Variants in PACRG observed in about 807,000 individuals in gnomAD.
PACRG encodes parkin coregulated gene protein.
In PACRG, 29 loss-of-function variants were observed where a neutral mutation model predicts 29.7. The ratio of observed to expected loss-of-function variants is 0.98; its 90% confidence interval spans 0.73 to 1.33. The LOEUF (loss-of-function observed/expected upper bound fraction) is 1.33. Among genes scored for constraint, PACRG ranks in the 40% most tolerant of loss-of-function variants. PACRG has a pLI of 0.00. For missense variants in PACRG, 279 were observed against 316.2 expected (o/e 0.88, Z 0.89); for synonymous variants, 116 against 118.7 (o/e 0.98, Z 0.15).
At chr6:163,140,096 C>T (rs770240419) in intron 4 of PACRG, among the ~76,000 whole-genome samples, 8 of 152,168 alleles carry the variant, frequency 5.3e-5, no homozygotes, top group South Asian at 2.1e-4. Flanking sequence ...GATGCTGCCT[C>T]GCTCTTACCA....
intron 2 of PACRG, among the ~76,000 whole-genome samples, chr6:162,867,126 G>A (rs9458659): frequency 0.013 from 2,052 of 152,144 alleles, 42 homozygotes; most frequent in African/African-American, 0.046. Context: ...CTTTGCCAGC[G>A]GCTCAGTACC....
intron 4 of PACRG, among the ~76,000 whole-genome samples, chr6:163,236,075 TGTCAGGGCAGCAA>T (rs1407677525): frequency 6.6e-6 from 1 of 152,178 alleles, no homozygotes; most frequent in Non-Finnish European, 1.5e-5. Context: ...ATTCTGCCTA[TGTCAGGGCAGCAA>T]TGGCTACAAG....
At chr6:163,287,524 G>A (rs1784443489) in intron 4 of PACRG, among the ~76,000 whole-genome samples, 1 of 152,218 alleles carries the variant, frequency 6.6e-6, no homozygotes. Context: ...TCACACCTGA[G>A]CCAGCTCTGG....
chr6:163,168,239 G>A (rs1015100208), intron 4 of PACRG, among the ~76,000 whole-genome samples: 3 of 152,178 alleles, frequency 2.0e-5, no homozygotes, highest in African/African-American at 7.2e-5. Flanking sequence ...CACTTTGGGA[G>A]GCTGAGGCAG....
At chr6:162,980,134 G>A (rs1802283616) in intron 2 of PACRG, among the ~76,000 whole-genome samples, 1 of 151,638 alleles carries the variant, frequency 6.6e-6, no homozygotes, top group Non-Finnish European at 1.5e-5. Flanking sequence ...GGTTTTCCCA[G>A]TACTAGTTCT....
chr6:163,313,142 G>A (rs1026856831), intron 4 of PACRG, among the ~76,000 whole-genome samples: 1 of 151,108 alleles, frequency 6.6e-6, no homozygotes, highest in Admixed American at 6.6e-5. Flanking sequence ...TTGAATATTT[G>A]GGATGATCAA....
chr6:162,975,845 C>T (rs1048650417), intron 2 of PACRG, among the ~76,000 whole-genome samples: 9 of 151,980 alleles, frequency 5.9e-5, no homozygotes, highest in Non-Finnish European at 1.3e-4. Flanking sequence ...TCTCTCCCTC[C>T]CTCCCTTCCT....
intron 2 of PACRG, among the ~76,000 whole-genome samples, chr6:162,966,489 T>G (rs1042353054): frequency 6.6e-6 from 1 of 151,552 alleles, no homozygotes; most frequent in African/African-American, 2.4e-5. Flanking sequence ...TTTTTTTTTT[T>G]TTTTTGAGGC....
intron 2 of PACRG, among the ~76,000 whole-genome samples, chr6:163,048,288 T>C (rs1353370259): frequency 6.6e-6 from 1 of 152,222 alleles, no homozygotes; most frequent in East Asian, 1.9e-4. Context: ...AAGTTCACCA[T>C]GAAGTATGGG....
intron 1 of PACRG, among the ~76,000 whole-genome samples, chr6:162,798,662 C>A (rs563523844): frequency 6.6e-6 from 1 of 152,300 alleles, no homozygotes; most frequent in Admixed American, 6.5e-5. Context: ...TACCAAGGCA[C>A]TAAAGGAGGC....
At chr6:163,263,794 G>A (rs1287704064) in intron 4 of PACRG, among the ~76,000 whole-genome samples, 1 of 152,112 alleles carries the variant, frequency 6.6e-6, no homozygotes, top group Admixed American at 6.6e-5. Flanking sequence ...TAATTCAAAT[G>A]GATTTACATA....
intron 2 of PACRG, among the ~76,000 whole-genome samples, chr6:162,836,239 A>G (rs552431731): frequency 6.6e-6 from 1 of 152,104 alleles, no homozygotes; most frequent in Non-Finnish European, 1.5e-5. Context: ...CCCTCAATTT[A>G]TAAATCTTTA....
intron 2 of PACRG, among the ~76,000 whole-genome samples, chr6:162,950,824 C>T (rs991642309): frequency 6.6e-6 from 1 of 151,930 alleles, no homozygotes; most frequent in African/African-American, 2.4e-5. Context: ...GTAGAAAGGG[C>T]TAATAGTTAA....
At chr6:163,041,661 T>G (rs372869094) in intron 2 of PACRG, among the ~76,000 whole-genome samples, 101 of 152,312 alleles carry the variant, frequency 6.6e-4, no homozygotes, top group African/African-American at 2.2e-3. Context: ...AGTGTAAGAA[T>G]GGACTAATGC....
intron 2 of PACRG, among the ~76,000 whole-genome samples, chr6:163,015,023 T>C (rs1047341025): frequency 2.0e-5 from 3 of 152,220 alleles, no homozygotes; most frequent in Non-Finnish European, 4.4e-5. Flanking sequence ...TTAATTTTTT[T>C]GTATAGTGAA....
intron 4 of PACRG, among the ~76,000 whole-genome samples, chr6:163,282,712 CAAAA>C (rs558182240): frequency 2.2e-5 from 2 of 91,294 alleles, no homozygotes; most frequent in African/African-American, 3.9e-5. Flanking sequence ...AACTCCATCT[CAAAA>C]AAAAAAAAAA....
intron 1 of PACRG, among the ~76,000 whole-genome samples, chr6:162,784,082 T>G (rs999537852): frequency 6.6e-6 from 1 of 152,162 alleles, no homozygotes; most frequent in African/African-American, 2.4e-5. Flanking sequence ...ATTACAAATT[T>G]AGAATATTGA....
chr6:163,105,122 C>A (rs1243790798), intron 4 of PACRG, among the ~76,000 whole-genome samples: 1 of 151,720 alleles, frequency 6.6e-6, no homozygotes, highest in Non-Finnish European at 1.5e-5. Flanking sequence ...CTTGATTTCC[C>A]ATATTAAAAA....
At chr6:162,809,817 A>G (rs1245066673) in intron 1 of PACRG, among the ~76,000 whole-genome samples, 1 of 152,168 alleles carries the variant, frequency 6.6e-6, no homozygotes, top group Non-Finnish European at 1.5e-5. Context: ...TTAGCAAACA[A>G]AATATCTAAA....
Sources: allele counts gnomAD v4.1 joint callset (sites outside exome capture counted in the v4.1 genomes callset), GRCh38; gene constraint gnomAD v4.1.1; transcripts MANE v1.5; gene names NCBI Gene and HGNC (gene_info 2026-07-23, HGNC 2026-07-21).